Variants in ANGPT2 observed in about 807,000 individuals in gnomAD.
The protein encoded by ANGPT2 is angiopoietin 2, also known as angiopoietin-2.
A neutral mutation model predicts 62.9 loss-of-function variants in ANGPT2; 28 were observed. The observed-to-expected ratio is 0.44, with a 90% CI of 0.33 to 0.61. The LOEUF (loss-of-function observed/expected upper bound fraction) is 0.61. ANGPT2 is among the 20% of genes least tolerant of loss of function. The probability of loss-of-function intolerance (pLI) is 0.03; values close to 1 mark genes in which losing one functional copy is unlikely to be tolerated. For missense variants in ANGPT2, 727 were observed against 594.9 expected, an observed-to-expected ratio of 1.22 and a Z score of -2.31; for synonymous variants, 284 against 207.8, an observed-to-expected ratio of 1.37 and a Z score of -3.15.
Position 6,562,829 on chromosome 8 carries a change from C to T in ANGPT2, c.106G>A (p.Val36Ile). 1.9e-6 allele frequency: 3 copies of T among 1,613,304 alleles called. No individual in the cohort carries two copies. The highest frequency in any genetic ancestry group is 2.5e-6 in the Non-Finnish European group (3 of 1,179,784). Residue 36 changes from valine to isoleucine, a missense_variant, in exon 1 of 9, where the codon GTC becomes ATC. Val to Ile is a conservative substitution (Grantham distance 29, BLOSUM62 3). Transcript: ENST00000629816. Reference protein sequence around the residue: ...MDSIGKKQYQVQHGSCSYTFL... With the variant: ...MDSIGKKQYQIQHGSCSYTFL... ...GTGTAGCTGCAGGACCCATGCTGGA[C>T]CTGATATTGCTTCTTTCCTATGCTG...
chr8:6,506,272 T>C (rs1044369071), intron 8 of ANGPT2, among the ~76,000 whole-genome samples: 1 of 152,046 alleles, frequency 6.6e-6, no homozygotes, highest in Non-Finnish European at 1.5e-5. Flanking sequence ...CCATGCAAAA[T>C]GGAGCTGCTC....
intron 8 of ANGPT2, among the ~76,000 whole-genome samples, chr8:6,505,865 CAT>C (rs1167344971): frequency 2.7e-4 from 36 of 132,804 alleles, no homozygotes; most frequent in African/African-American, 8.5e-4. Flanking sequence ...TATATAAAAA[CAT>C]ACATATTCTT....
chr8:6,562,587 A>G (rs1825728697), intron 1 of ANGPT2, 60 bp downstream of exon 1: 1 of 138,526 alleles, frequency 7.2e-6, no homozygotes, highest in Non-Finnish European at 1.3e-5. Context: ...TTAAAACCTG[A>G]GCTGCTGCCA....
chr8:6,532,432 T>G lies in ANGPT2; in HGVS notation c.344A>C (p.Asn115Thr). The G allele has an allele frequency of 1.2e-6, 2 of 1,614,016 alleles. No homozygotes were observed. The highest frequency in any genetic ancestry group is 1.7e-6 in the Non-Finnish European group (2 of 1,179,850). The change falls in exon 2 of 9, where the codon AAT becomes ACT. Residue 115 changes from asparagine (N) to threonine (T), a missense_variant. By Grantham distance (65) the Asn-to-Thr change is moderately conservative (BLOSUM62 0). Coordinates refer to ENST00000629816, the MANE Select transcript of ANGPT2 (RefSeq NM_001118887.2). ...CACAGCCGTCTGGTTCTGTACTGCA[T>G]TCTGCTGTATCTCTACCATTTCTTT... Reference protein sequence around the residue: ...MKKEMVEIQQNAVQNQTAVMI... With the variant: ...MKKEMVEIQQTAVQNQTAVMI...
chr8:6,528,781 ATTGT>A (rs1818880187), intron 2 of ANGPT2, among the ~76,000 whole-genome samples: 1 of 152,212 alleles, frequency 6.6e-6, no homozygotes, highest in Non-Finnish European at 1.5e-5. Context: ...TGAAAGAATC[ATTGT>A]TTGCTGGTGT....
At chr8:6,558,827 A>G (rs1237552339) in intron 1 of ANGPT2, among the ~76,000 whole-genome samples, 1 of 152,200 alleles carries the variant, frequency 6.6e-6, no homozygotes. Context: ...TATGTATAAT[A>G]TATAATCCAT....
At chr8:6,539,072 C>G (rs13270776) in intron 1 of ANGPT2, among the ~76,000 whole-genome samples, 3 of 152,076 alleles carry the variant, frequency 2.0e-5, no homozygotes, top group African/African-American at 2.4e-5. Context: ...ATTTTGCTGC[C>G]TAAGCAGCTG....
chr8:6,529,987 C>G (rs867484835), intron 2 of ANGPT2, among the ~76,000 whole-genome samples: 4 of 151,900 alleles, frequency 2.6e-5, no homozygotes, highest in African/African-American at 4.8e-5. Flanking sequence ...TGTCCTAACA[C>G]TTTTTCATTA....
rs755690432 is a variant in ANGPT2 at position 6,513,712 on chromosome 8, G to A, written c.1162C>T (p.His388Tyr). 6.2e-7 allele frequency: 1 copy of A among 1,613,234 alleles called. No homozygotes were observed. The highest frequency in any genetic ancestry group is 1.3e-5 in the African/African-American group (1 of 74,866). Residue 388 changes from histidine (H) to tyrosine (Y), a missense_variant, in exon 7 of 9, where the codon CAT becomes TAT. Physicochemically the swap from His to Tyr is moderately conservative, Grantham distance 83. Transcript: ENST00000629816. ...EGNEAYSLYEHFYLSSEELNY... is the reference protein window; with the variant it reads ...EGNEAYSLYEYFYLSSEELNY... ...AGTTCTTCACTTGAGAGATAGAAAT[G>A]TTCATACAATGAGTAAGCCTCATTC...
In ANGPT2 at chr8:6,499,959, A is replaced by G. The variant is rs1336731233; in HGVS notation, c.*3142T>C. On this transcript the variant is annotated 3_prime_UTR_variant, in exon 9 of 9. Coordinates refer to ENST00000629816, the MANE Select transcript of ANGPT2 (RefSeq NM_001118887.2). ...GTCAGATGTTGTTTTACGATGGTAAATGCAGTTTGCTGTTCTCAAGAAATT... is the reference window on the plus strand; with the variant it reads ...GTCAGATGTTGTTTTACGATGGTAAGTGCAGTTTGCTGTTCTCAAGAAATT... The G allele has an allele frequency of 1.3e-6, 2 of 1,582,472 alleles. No homozygotes were observed. Among genetic ancestry groups the G allele is most frequent in the Non-Finnish European group, 1.7e-6 (2 of 1,151,604 alleles).
At position 6,527,675 on chromosome 8, in the gene ANGPT2, A is replaced by G; in HGVS notation, c.446T>C (p.Val149Ala). 1 of 1,603,078 alleles carries G rather than the reference A, an allele frequency of 6.2e-7. No individual in the cohort carries two copies. The highest frequency in any genetic ancestry group is 8.5e-7 in the Non-Finnish European group (1 of 1,176,898). ...TTCAAGTCTCGTGGTCTGATTTAATACCTAAATGTAACAAAATGAAGTTCC... is the reference window on the plus strand; with the variant it reads ...TTCAAGTCTCGTGGTCTGATTTAATGCCTAAATGTAACAAAATGAAGTTCC... Reference protein sequence around the residue: ...TRKLTDVEAQVLNQTTRLELQ... With the variant: ...TRKLTDVEAQALNQTTRLELQ... The change falls in exon 3 of 9, where the codon GTA (valine) becomes GCA (alanine). Residue 149 changes from valine to alanine, a missense_variant and splice_region_variant. Transcript: ENST00000629816.
At chr8:6,546,344 G>T (rs1355309510) in intron 1 of ANGPT2, among the ~76,000 whole-genome samples, 1 of 152,188 alleles carries the variant, frequency 6.6e-6, no homozygotes, top group Non-Finnish European at 1.5e-5. Flanking sequence ...GTATCAGCTT[G>T]TACCTCTGTA....
intron 8 of ANGPT2, among the ~76,000 whole-genome samples, chr8:6,504,849 T>TA (rs1812962068): frequency 6.6e-6 from 1 of 152,182 alleles, no homozygotes; most frequent in Non-Finnish European, 1.5e-5. Flanking sequence ...TAGGGTTTGA[T>TA]ACTGTGTGTG....
chr8:6,509,500 A>T (rs1282853468), intron 7 of ANGPT2, among the ~76,000 whole-genome samples: 1 of 152,204 alleles, frequency 6.6e-6, no homozygotes, highest in East Asian at 1.9e-4. Context: ...GCAGCAGACA[A>T]GGAATGGCCA....
intron 8 of ANGPT2, chr8:6,507,854 A>T (rs1384131685): frequency 6.6e-6 from 1 of 152,074 alleles, no homozygotes; most frequent in African/African-American, 2.4e-5. Flanking sequence ...AAGTGCTGGC[A>T]TTACAGGCGT....
chr8:6,545,894 C>T (rs998032232), intron 1 of ANGPT2, among the ~76,000 whole-genome samples: 1 of 152,194 alleles, frequency 6.6e-6, no homozygotes, highest in African/African-American at 2.4e-5. Flanking sequence ...GCAAGTGTTT[C>T]TGACTTTTGA....
At position 6,499,662 on chromosome 8, in the gene ANGPT2, C is replaced by T. The variant is rs143176391; in HGVS notation, c.*3439G>A. On this transcript the variant is annotated 3_prime_UTR_variant, in exon 9 of 9. Coordinates refer to ENST00000629816, the MANE Select transcript of ANGPT2 (RefSeq NM_001118887.2). ...TGTTATCGTGAGACTTTTTCTCAATCAACTTTTTATTAATATTCATAACAT... is the reference window on the plus strand; with the variant it reads ...TGTTATCGTGAGACTTTTTCTCAATTAACTTTTTATTAATATTCATAACAT... 4.3e-5 allele frequency: 24 copies of T among 556,284 alleles called. No individual in the cohort carries two copies. The South Asian group carries it at 5.0e-4, about 12-fold the overall frequency. 34.5% of individuals were successfully genotyped at this position (556,284 alleles called of 1,614,324 possible). A position where few individuals can be genotyped will look rare whatever the true frequency, so the allele number is the denominator to read the frequency against.
At chr8:6,521,698 T>G (rs1817375077) in intron 3 of ANGPT2, among the ~76,000 whole-genome samples, 1 of 152,182 alleles carries the variant, frequency 6.6e-6, no homozygotes, top group African/African-American at 2.4e-5. Flanking sequence ...ATATGGGTGT[T>G]TTTTGTATTA....
chr8:6,521,314 G>C lies in ANGPT2; in HGVS notation c.663C>G (p.Ser221=), dbSNP rs1212629409. Residue 221 remains serine, a synonymous_variant, in exon 4 of 9, where the codon TCC becomes TCG. Coordinates refer to ENST00000629816, the MANE Select transcript of ANGPT2 (RefSeq NM_001118887.2). ...EEKDQLQVLV[S]KQNSIIEELE... ...GTTCTTCAATGATGGAATTTTGCTT[G>C]GATACTAACACCTGTAGCTGATCTT... The C allele has an allele frequency of 6.2e-7, 1 of 1,613,584 alleles. No homozygotes were observed. The highest frequency in any genetic ancestry group is 8.5e-7 in the Non-Finnish European group (1 of 1,179,868).
Sources: allele counts gnomAD v4.1 joint callset (sites outside exome capture counted in the v4.1 genomes callset), GRCh38; gene constraint gnomAD v4.1.1; transcripts MANE v1.5; gene names NCBI Gene and HGNC (gene_info 2026-07-23, HGNC 2026-07-21).